The following STXBP4 variants were observed in gnomAD, a reference collection of about 807,000 sequenced individuals.
STXBP4 encodes the protein syntaxin binding protein 4.
STXBP4 carries 55 observed loss-of-function variants against 76.1 expected under a neutral mutation model. That is an observed-to-expected ratio of 0.72 (90% CI 0.58 to 0.91). STXBP4 has a LOEUF of 0.91. Ranked by LOEUF, STXBP4 falls within the 40% of genes least tolerant of loss-of-function variation. STXBP4 has a pLI of 0.00. For synonymous variants in STXBP4, 201 were observed against 220.2 expected, an observed-to-expected ratio of 0.91 and a Z score of 0.77; for missense variants, 618 against 636.9, an observed-to-expected ratio of 0.97 and a Z score of 0.32.
At position 55,143,406 on chromosome 17, in the gene STXBP4, C is replaced by T. The variant is rs367547303; in HGVS notation, c.1547+2039C>T. 1.4e-3 allele frequency among the ~76,000 whole-genome samples: 212 copies of T among 152,284 alleles called. 1 individual carries two copies. Among genetic ancestry groups the T allele is most frequent in the African/African-American group, 4.9e-3 (203 of 41,550 alleles). On this transcript the variant is annotated intron_variant, in intron 17 of 17. Transcript: ENST00000376352. ...CCTTTACCTAAACCTAGCTGTCTGTCAGTATATCCTAACCCAGAGTTGAAT... is the reference window on the plus strand; with the variant it reads ...CCTTTACCTAAACCTAGCTGTCTGTTAGTATATCCTAACCCAGAGTTGAAT...
chr17:55,189,496 A>G, the STXBP4 span, among the ~76,000 whole-genome samples: 3 of 152,214 alleles, frequency 2.0e-5, no homozygotes, highest in African/African-American at 7.2e-5. Context: ...CAACCTTTCC[A>G]TCAACAAGCA....
At chr17:54,989,835 T>C (rs1269323820) in intron 3 of STXBP4, among the ~76,000 whole-genome samples, 2 of 152,232 alleles carry the variant, frequency 1.3e-5, no homozygotes, top group East Asian at 3.8e-4. Flanking sequence ...TGCTTTTATG[T>C]CTGACAGAAA....
chr17:55,200,902 A>G, the STXBP4 span, among the ~76,000 whole-genome samples: 2 of 152,234 alleles, frequency 1.3e-5, no homozygotes, highest in Non-Finnish European at 2.9e-5. Flanking sequence ...GAGGTGAAGT[A>G]AACAGGCCTT....
At chr17:55,034,037 CACTTCAGTCAAT>C in intron 9 of STXBP4, 119 bp from the exon 10 acceptor site, 1 of 562,098 alleles carries the variant, frequency 1.8e-6, no homozygotes, top group Non-Finnish European at 3.1e-6. Flanking sequence ...ATTTACCTAT[CACTTCAGTCAAT>C]ACTATTTTAA....
chr17:55,048,114 G>A (rs2078814253), intron 12 of STXBP4, among the ~76,000 whole-genome samples: 1 of 151,806 alleles, frequency 6.6e-6, no homozygotes, highest in African/African-American at 2.4e-5. Context: ...AGACTTCAAG[G>A]TATGAATGCA....
chr17:55,063,274 AAAG>A (rs1443439126), intron 12 of STXBP4, among the ~76,000 whole-genome samples: 5 of 152,248 alleles, frequency 3.3e-5, no homozygotes, highest in Admixed American at 1.3e-4. Context: ...TAATTGTAGA[AAAG>A]ATCTTACCAT....
Position 55,160,068 on chromosome 17 carries a change from T to G in STXBP4, c.*157T>G. The G allele has an allele frequency of 1.9e-6, 1 of 518,314 alleles. No individual in the cohort carries two copies. The highest frequency in any genetic ancestry group is 3.1e-5 in the South Asian group (1 of 32,042). 32.1% of individuals were successfully genotyped at this position (518,314 alleles called of 1,614,324 possible). A position where few individuals can be genotyped will look rare whatever the true frequency, so the allele number is the denominator to read the frequency against. On this transcript the variant is annotated 3_prime_UTR_variant, in exon 18 of 18. Coordinates refer to ENST00000376352, the MANE Select transcript of STXBP4 (RefSeq NM_178509.6). ...GACTTTGGGTATTTTTGTAAAACTT[T>G]TGATATTTCTGTATACATTTAAAAA...
chr17:55,074,941 A>T (rs2079162279), intron 13 of STXBP4, among the ~76,000 whole-genome samples: 1 of 152,026 alleles, frequency 6.6e-6, no homozygotes, highest in Non-Finnish European at 1.5e-5. Flanking sequence ...ATTGACCAAG[A>T]TGTTACAGAA....
the STXBP4 span, among the ~76,000 whole-genome samples, chr17:55,197,616 A>C: frequency 6.6e-6 from 1 of 152,168 alleles, no homozygotes; most frequent in South Asian, 2.1e-4. Flanking sequence ...GGTGGCATGC[A>C]CCTGTAGTCC....
At chr17:55,187,765 T>A in the STXBP4 span, among the ~76,000 whole-genome samples, 4 of 152,338 alleles carry the variant, frequency 2.6e-5, no homozygotes, top group South Asian at 8.3e-4. Context: ...TCTAGAGTTG[T>A]CGATCAGGGA....
Position 55,078,159 on chromosome 17 carries a change from G to C in STXBP4, c.1270G>C (p.Glu424Gln), listed in dbSNP as rs1019133493. Residue 424 changes from glutamate (E) to glutamine (Q), a missense_variant, in exon 14 of 18, where the codon GAG becomes CAG. Glu to Gln is a conservative substitution (Grantham distance 29). Coordinates refer to ENST00000376352, the MANE Select transcript of STXBP4 (RefSeq NM_178509.6). ...ATCAGAAATGGCTCGAAAAACTTTT[G>C]AGGCATCCACTGAAAAGCTTCTTCA... is the stretch of plus-strand genomic sequence containing the variant. ...RKSEMARKTF[E>Q]ASTEKLLHFV... is the part of the protein sequence containing the mutation. 17 of 1,611,792 alleles carry C rather than the reference G, an allele frequency of 1.1e-5. No homozygotes were observed. Among genetic ancestry groups the C allele is most frequent in the Non-Finnish European group, 1.4e-5 (17 of 1,179,018 alleles).
downstream of STXBP4, among the ~76,000 whole-genome samples, chr17:55,176,467 C>A (rs1011789256): frequency 1.3e-4 from 20 of 152,120 alleles, no homozygotes; most frequent in African/African-American, 4.6e-4. Flanking sequence ...GGTGGGCAAC[C>A]AGGTGGGGAC....
chr17:55,108,758 A>G (rs570202298), intron 16 of STXBP4, among the ~76,000 whole-genome samples: 46 of 152,190 alleles, frequency 3.0e-4, no homozygotes, highest in African/African-American at 8.4e-4. Context: ...GCCAGTCCCA[A>G]TGAGATAAGC....
chr17:54,973,913 G>T (rs2077433935), intron 1 of STXBP4, among the ~76,000 whole-genome samples: 1 of 152,092 alleles, frequency 6.6e-6, no homozygotes, highest in African/African-American at 2.4e-5. Flanking sequence ...CTATAATCAT[G>T]TCCAATTTTA....
chr17:55,083,046 C>G (rs1411283725), intron 16 of STXBP4, among the ~76,000 whole-genome samples: 1 of 151,822 alleles, frequency 6.6e-6, no homozygotes, highest in Non-Finnish European at 1.5e-5. Flanking sequence ...ATTGCAACCT[C>G]CTCCTCCCCG....
chr17:55,042,125 T>G (rs1198340083), intron 10 of STXBP4, among the ~76,000 whole-genome samples: 1 of 152,168 alleles, frequency 6.6e-6, no homozygotes, highest in East Asian at 1.9e-4. Context: ...ATATGAAGAA[T>G]AATTCCTACT....
intron 1 of STXBP4, among the ~76,000 whole-genome samples, chr17:54,982,576 T>C (rs2077564951): frequency 6.8e-6 from 1 of 147,576 alleles, no homozygotes; most frequent in Non-Finnish European, 1.5e-5. Flanking sequence ...TTATTAATTA[T>C]GGGAACTTGA....
In STXBP4 at chr17:55,047,133, A is replaced by G; in HGVS notation, c.990A>G (p.Glu330=). The G allele has an allele frequency of 1.2e-6, 2 of 1,607,892 alleles. No homozygotes were observed. The highest frequency in any genetic ancestry group is 1.7e-6 in the Non-Finnish European group (2 of 1,175,464). ...ESDKQRKQLT[E]ELQNVKQEAK... ...ATAAGCAAAGGAAACAATTGACAGA[A>G]GAGCTCCAGAATGTGAAACAAGTAA... is the stretch of plus-strand genomic sequence containing the variant. Residue 330 remains glutamate, a synonymous_variant, in exon 12 of 18, where the codon GAA becomes GAG. Coordinates refer to ENST00000376352, the MANE Select transcript of STXBP4 (RefSeq NM_178509.6).
chr17:55,065,696 A>G (rs2079043296), intron 12 of STXBP4, among the ~76,000 whole-genome samples: 1 of 151,960 alleles, frequency 6.6e-6, no homozygotes, highest in African/African-American at 2.4e-5. Flanking sequence ...TTCAAAGAGG[A>G]TTGTAACTAA....
Sources: allele counts gnomAD v4.1 joint callset (sites outside exome capture counted in the v4.1 genomes callset), GRCh38; gene constraint gnomAD v4.1.1; transcripts MANE v1.5; gene names NCBI Gene and HGNC (gene_info 2026-07-23, HGNC 2026-07-21).